The following RGS7 variants were observed in gnomAD, a reference collection of about 807,000 sequenced individuals.
RGS7 encodes the protein regulator of G protein signaling 7.
A neutral mutation model predicts 81.1 loss-of-function variants in RGS7; 27 were observed. The ratio of observed to expected loss-of-function variants is 0.33; its 90% CI spans 0.25 to 0.46. RGS7 has a LOEUF of 0.46. RGS7 is among the 20% of genes least tolerant of loss of function. The pLI, the probability that RGS7 is intolerant of heterozygous loss-of-function variation, is 1.00. For missense variants in RGS7, 396 were observed against 607.4 expected, an observed-to-expected ratio of 0.65 and a Z score of 3.66; for synonymous variants, 208 against 207.7, an observed-to-expected ratio of 1.00 and a Z score of -0.01.
intron 3 of RGS7, among the ~76,000 whole-genome samples, chr1:241,089,063 C>CTCTCTCTCTCTATATATATA (rs1374552672): frequency 8.4e-5 from 2 of 23,686 alleles, no homozygotes; most frequent in Non-Finnish European, 1.5e-4. Flanking sequence ...CTCTCTCTCT[C>CTCTCTCTCTCTATATATATA]TATATATATA....
intron 18 of RGS7, among the ~76,000 whole-genome samples, chr1:240,790,855 T>C (rs780908749): frequency 6.6e-6 from 1 of 152,202 alleles, no homozygotes; most frequent in Non-Finnish European, 1.5e-5. Flanking sequence ...TGAAAGTACC[T>C]TGAAGATTTA....
Position 240,800,624 on chromosome 1 carries a change from A to T in RGS7, c.*6+17T>A, listed in dbSNP as rs746147455. 2.7e-5 allele frequency: 40 copies of T among 1,507,948 alleles called. 1 individual carries two copies. The South Asian group carries it at 4.7e-4, about 18-fold the overall frequency. The allele number at this position is 1,507,948 out of a possible 1,614,324, so 93.4% of individuals were successfully genotyped here. ...GACAATGCAGACAAACTTGAGTATA[A>T]ACCAAGATTTTTCTACCTCTTTTCA... On this transcript the variant is annotated intron_variant, in intron 18 of 18. Coordinates refer to ENST00000440928, the MANE Select transcript of RGS7 (RefSeq NM_001364886.1).
chr1:241,221,067 GAGAGAAAGGAAGGAAGGAAGGA>G (rs2074960228), intron 2 of RGS7, among the ~76,000 whole-genome samples: 3 of 137,790 alleles, frequency 2.2e-5, no homozygotes, highest in South Asian at 2.6e-4. Context: ...AAGAGAGAGA[GAGAGAAAGGAAGGAAGGAAGGA>G]AGAAAGGAAG....
chr1:241,217,951 T>G (rs1221525228), intron 2 of RGS7, among the ~76,000 whole-genome samples: 2 of 152,216 alleles, frequency 1.3e-5, no homozygotes, highest in African/African-American at 4.8e-5. Flanking sequence ...GTGTATTTCT[T>G]TCTAGATCTT....
intron 3 of RGS7, among the ~76,000 whole-genome samples, chr1:241,005,655 C>T (rs754609677): frequency 6.6e-5 from 10 of 152,102 alleles, no homozygotes; most frequent in Admixed American, 1.3e-4. Context: ...CTGCCTCAGC[C>T]TCCCGAGTAG....
chr1:240,919,648 C>A, intron 6 of RGS7: 2 of 463,748 alleles, frequency 4.3e-6, no homozygotes, highest in Non-Finnish European at 8.0e-6. Flanking sequence ...CTTCTCCCTG[C>A]CCTCATGCCT....
At chr1:241,079,376 A>G (rs1214292965) in intron 3 of RGS7, among the ~76,000 whole-genome samples, 2 of 152,352 alleles carry the variant, frequency 1.3e-5, no homozygotes, top group East Asian at 3.9e-4. Context: ...CTTGTACTCC[A>G]GGTGCTTAAA....
chr1:240,936,547 A>T, intron 5 of RGS7, 53 bp downstream of exon 5: 1 of 1,375,266 alleles, frequency 7.3e-7, no homozygotes, highest in South Asian at 1.2e-5. Context: ...CTAACTAACA[A>T]ACGAAATGCG....
In RGS7 at chr1:240,795,554, A is replaced by G. The variant is rs1169254916; in HGVS notation, c.*6+5087T>C. On this transcript the variant is annotated intron_variant, in intron 18 of 18. Coordinates refer to ENST00000440928, the MANE Select transcript of RGS7 (RefSeq NM_001364886.1). ...TGTAAATTTACATTCCATTTAACCA[A>G]GCAGTTCAATTTTTTATGAAAAGAA... Among the ~76,000 whole-genome samples the G allele has an allele frequency of 2.6e-5, 4 of 152,236 alleles. No individual in the cohort carries two copies. The East Asian group carries it at 7.7e-4, about 29-fold the overall frequency.
chr1:240,919,288 C>T (rs1216621722), intron 6 of RGS7, among the ~76,000 whole-genome samples: 1 of 152,052 alleles, frequency 6.6e-6, no homozygotes, highest in African/African-American at 2.4e-5. Context: ...AGGAAGACTA[C>T]AGACCAATAC....
At chr1:241,177,258 G>A (rs963663834) in intron 2 of RGS7, among the ~76,000 whole-genome samples, 1 of 152,192 alleles carries the variant, frequency 6.6e-6, no homozygotes, top group South Asian at 2.1e-4. Flanking sequence ...TGATGTGTGA[G>A]CAGACACTGG....
intron 9 of RGS7, among the ~76,000 whole-genome samples, chr1:240,855,688 C>G (rs1003015158): frequency 6.6e-6 from 1 of 152,070 alleles, no homozygotes; most frequent in Non-Finnish European, 1.5e-5. Flanking sequence ...GTTAGCTACC[C>G]TATGTTTAAC....
At chr1:240,989,246 T>C (rs1247264245) in intron 3 of RGS7, among the ~76,000 whole-genome samples, 1 of 151,254 alleles carries the variant, frequency 6.6e-6, no homozygotes, top group Non-Finnish European at 1.5e-5. Flanking sequence ...GAGACCATCC[T>C]GGCCAACATG....
chr1:241,179,853 A>G (rs918122270), intron 2 of RGS7, among the ~76,000 whole-genome samples: 1 of 142,942 alleles, frequency 7.0e-6, no homozygotes, highest in Admixed American at 7.3e-5. Context: ...ATAAAATCAT[A>G]CACACATGAG....
chr1:241,269,402 G>A (rs545226128), intron 2 of RGS7, among the ~76,000 whole-genome samples: 11 of 152,346 alleles, frequency 7.2e-5, no homozygotes, highest in South Asian at 6.2e-4. Flanking sequence ...CCCACGTTCC[G>A]TCCATCCCAG....
intron 3 of RGS7, among the ~76,000 whole-genome samples, chr1:241,029,995 A>C (rs768139616): frequency 1.3e-5 from 2 of 152,166 alleles, no homozygotes; most frequent in Non-Finnish European, 2.9e-5. Context: ...AGTTTTTCCT[A>C]AAGTCTTTCT....
At chr1:241,254,429 A>G (rs1004482397) in intron 2 of RGS7, among the ~76,000 whole-genome samples, 5 of 152,124 alleles carry the variant, frequency 3.3e-5, no homozygotes, top group African/African-American at 9.7e-5. Flanking sequence ...TGGAGGCTGG[A>G]AAGTCCAAGG....
chr1:241,025,740 G>A (rs1397734927), intron 3 of RGS7, among the ~76,000 whole-genome samples: 1 of 151,716 alleles, frequency 6.6e-6, no homozygotes, highest in Non-Finnish European at 1.5e-5. Context: ...TAAGAACAAA[G>A]CTATCACAGG....
chr1:240,962,194 T>A (rs1019867045), intron 4 of RGS7, among the ~76,000 whole-genome samples: 3 of 152,096 alleles, frequency 2.0e-5, no homozygotes, highest in African/African-American at 7.2e-5. Context: ...GTAGAAAAGT[T>A]CTACCACTTC....
Sources: allele counts gnomAD v4.1 joint callset (sites outside exome capture counted in the v4.1 genomes callset), GRCh38; gene constraint gnomAD v4.1.1; transcripts MANE v1.5; gene names NCBI Gene and HGNC (gene_info 2026-07-23, HGNC 2026-07-21).